ME2: variants seen among roughly 807,000 people sequenced by gnomAD.
The protein encoded by ME2 is malic enzyme 2.
In ME2, 60 loss-of-function variants were observed where a neutral mutation model predicts 73.7. That is an observed-to-expected ratio of 0.81 (90% confidence interval 0.66 to 1.01). ME2 has a LOEUF of 1.01. Among genes scored for constraint, ME2 ranks in the 50% least tolerant of loss-of-function variants. The pLI is 0.00. For missense variants in ME2, 594 were observed against 705.5 expected (o/e 0.84, Z 1.79); for synonymous variants, 199 against 236.9 (o/e 0.84, Z 1.47).
Position 50,895,959 on chromosome 18 carries a change from C to T in ME2, c.108+31C>T, listed in dbSNP as rs757585746. ...TAACATTAATATCAATGTACATTTT[C>T]TCTCTTCTTATTAAAGTTTGATATA... On this transcript the variant is annotated intron_variant, in intron 2 of 15. Coordinates refer to ENST00000321341, the MANE Select transcript of ME2 (RefSeq NM_002396.5). The T allele has an allele frequency of 1.1e-5, 15 of 1,415,130 alleles. No individual in the cohort carries two copies. The Middle Eastern group carries it at 2.1e-3, about 200-fold the overall frequency. 87.7% of individuals were successfully genotyped at this position (1,415,130 alleles called of 1,614,324 possible).
At position 50,952,802 on chromosome 18, in the gene ME2, AG is replaced by A. The variant is rs946550128; in HGVS notation, c.*5619del. The A allele has an allele frequency of 1.3e-5, 2 of 152,224 alleles. No individual in the cohort carries two copies. Among genetic ancestry groups the A allele is most frequent in the African/African-American group, 4.8e-5 (2 of 41,462 alleles). The allele number at this position is 152,224 out of a possible 1,614,324, so 9.4% of individuals were successfully genotyped here. On this transcript the variant is annotated 3_prime_UTR_variant, in exon 16 of 16. Transcript: ENST00000321341. ...TATCACCAACACATTTGGTATATAC[AG>A]TGGGCCGATAATGACAAACTAAAGT...
At chr18:50,890,571 T>C (rs1916584943) in intron 1 of ME2, among the ~76,000 whole-genome samples, 2 of 152,244 alleles carry the variant, frequency 1.3e-5, no homozygotes, top group African/African-American at 4.8e-5. Context: ...TTTATCCATT[T>C]AGTTTTATCT....
At chr18:50,918,477 C>G (rs1471749537) in intron 7 of ME2, among the ~76,000 whole-genome samples, 1 of 152,190 alleles carries the variant, frequency 6.6e-6, no homozygotes, top group African/African-American at 2.4e-5. Context: ...CAAACGCTTA[C>G]TGCTCAGTAC....
In ME2 at chr18:50,889,764, G is replaced by A. The variant is rs146153765; in HGVS notation, c.-12-6045G>A. On this transcript the variant is annotated intron_variant, in intron 1 of 15. Transcript: ENST00000321341. ...TTGGAACACATATTAACCTGTTCATGTTAATGGGATTCTAGGAAATGGTTA... is the reference window on the plus strand; with the variant it reads ...TTGGAACACATATTAACCTGTTCATATTAATGGGATTCTAGGAAATGGTTA... Among the ~76,000 whole-genome samples the A allele has an allele frequency of 2.9e-3, 449 of 152,318 alleles. 4 individuals are homozygous for A. The highest frequency in any genetic ancestry group is 0.013 in the East Asian group (69 of 5,190).
intron 15 of ME2, among the ~76,000 whole-genome samples, chr18:50,943,933 G>A (rs1918023014): frequency 6.6e-6 from 1 of 152,028 alleles, no homozygotes; most frequent in Non-Finnish European, 1.5e-5. Flanking sequence ...AGAGATTACT[G>A]GGCCAGGCAG....
chr18:50,904,353 A>G (rs972464072), intron 2 of ME2, among the ~76,000 whole-genome samples: 2 of 148,838 alleles, frequency 1.3e-5, no homozygotes, highest in South Asian at 2.1e-4. Flanking sequence ...ATCTCGGCTC[A>G]CTGCAACCTC....
At position 50,912,968 on chromosome 18, in the gene ME2, A is replaced by C. The variant is rs766807222; in HGVS notation, c.392+18A>C. 3.8e-6 allele frequency: 6 copies of C among 1,563,838 alleles called. No homozygotes were observed. Among genetic ancestry groups the C allele is most frequent in the Non-Finnish European group, 5.2e-6 (6 of 1,161,332 alleles). On this transcript the variant is annotated intron_variant, in intron 4 of 15. Transcript: ENST00000321341. ...AGACCTAAGTAAGGCTTGTTTAAAA[A>C]AAAGCTTGTAAATGATTATTGAATA...
At chr18:50,924,847 A>G (rs1917509437) in intron 11 of ME2, among the ~76,000 whole-genome samples, 1 of 151,874 alleles carries the variant, frequency 6.6e-6, no homozygotes, top group Admixed American at 6.6e-5. Flanking sequence ...ACGCCCAGCT[A>G]ATTTTTGTAA....
chr18:50,885,680 A>T (rs1249800298), intron 1 of ME2, among the ~76,000 whole-genome samples: 1 of 151,980 alleles, frequency 6.6e-6, no homozygotes, highest in African/African-American at 2.4e-5. Flanking sequence ...ATATATATAT[A>T]TTTTTAACAC....
chr18:50,936,380 C>G lies in ME2; in HGVS notation c.1418-3190C>G, dbSNP rs140751112. Among the ~76,000 whole-genome samples the G allele has an allele frequency of 3.3e-3, 500 of 152,056 alleles. 3 individuals are homozygous for G. Among genetic ancestry groups the G allele is most frequent in the African/African-American group, 0.012 (482 of 41,460 alleles). ...ATATTAAAGGAAAGGAAATTTTGTT[C>G]CTTAGGGAAAAAGAAAATAATCCCA... On this transcript the variant is annotated intron_variant, in intron 13 of 15. Coordinates refer to ENST00000321341, the MANE Select transcript of ME2 (RefSeq NM_002396.5).
In ME2 at chr18:50,950,497, A is replaced by ATTG. The variant is rs1020341344; in HGVS notation, c.*3313_*3314insTTG. On this transcript the variant is annotated 3_prime_UTR_variant, in exon 16 of 16. Coordinates refer to ENST00000321341, the MANE Select transcript of ME2 (RefSeq NM_002396.5). ...TTTTTTTTTTTTTTTTTTTTTTTTA[A>ATTG]ACAGGGTCTCTTTCTTTTTCCTTTC... 9.9e-6 allele frequency: 1 copy of ATTG among 101,522 alleles called. No homozygotes were observed. The highest frequency in any genetic ancestry group is 4.0e-5 in the African/African-American group (1 of 24,694). 6.3% of individuals were successfully genotyped at this position (101,522 alleles called of 1,614,324 possible).
intron 10 of ME2, among the ~76,000 whole-genome samples, chr18:50,922,424 C>A (rs1206185889): frequency 2.6e-5 from 4 of 152,226 alleles, no homozygotes; most frequent in Admixed American, 6.5e-5. Context: ...AATAATTAAA[C>A]TGTGCTGCCT....
At chr18:50,891,244 G>GAGA (rs1208965020) in intron 1 of ME2, among the ~76,000 whole-genome samples, 6 of 152,108 alleles carry the variant, frequency 3.9e-5, no homozygotes, top group Non-Finnish European at 7.3e-5. Context: ...TTCAAATAGA[G>GAGA]AGAATTTAAG....
At chr18:50,902,220 C>A (rs1041070370) in intron 2 of ME2, among the ~76,000 whole-genome samples, 1 of 152,148 alleles carries the variant, frequency 6.6e-6, no homozygotes, top group African/African-American at 2.4e-5. Context: ...AGGACATGCT[C>A]AAGCTTTGTA....
chr18:50,930,933 A>T (rs1917677890), intron 12 of ME2, among the ~76,000 whole-genome samples: 2 of 152,220 alleles, frequency 1.3e-5, no homozygotes, highest in Admixed American at 6.5e-5. Flanking sequence ...CAAGTCTAAG[A>T]TAGTCAGCTC....
chr18:50,939,678 A>G (rs912112620), intron 14 of ME2, 38 bp downstream of exon 14: 18 of 1,363,260 alleles, frequency 1.3e-5, no homozygotes, highest in Non-Finnish European at 1.8e-5. Context: ...ATAAAGGATG[A>G]ATTATAAAGA....
chr18:50,925,937 C>A lies in ME2; in HGVS notation c.1314+39C>A, dbSNP rs1397266. 1.2e-4 allele frequency: 168 copies of A among 1,426,794 alleles called. 1 individual carries two copies. The highest frequency in any genetic ancestry group is 1.6e-4 in the Non-Finnish European group (163 of 1,014,598). 88.4% of individuals were successfully genotyped at this position (1,426,794 alleles called of 1,614,324 possible). A position where few individuals can be genotyped will look rare whatever the true frequency, so the allele number is the denominator to read the frequency against. ...CATGAATTGATATGTATATTATTTT[C>A]CCTCCACTAGCTTATTAGTTATACA... is the stretch of plus-strand genomic sequence containing the variant. On this transcript the variant is annotated intron_variant, in intron 12 of 15. Coordinates refer to ENST00000321341, the MANE Select transcript of ME2 (RefSeq NM_002396.5).
intron 1 of ME2, among the ~76,000 whole-genome samples, chr18:50,886,167 T>TA (rs137914150): frequency 6.7e-6 from 1 of 148,946 alleles, no homozygotes; most frequent in African/African-American, 2.5e-5. Context: ...ATTTAAAATT[T>TA]AAAAAAAAAG....
At chr18:50,912,477 T>A (rs1917179433) in intron 3 of ME2, among the ~76,000 whole-genome samples, 1 of 152,198 alleles carries the variant, frequency 6.6e-6, no homozygotes, top group Non-Finnish European at 1.5e-5. Flanking sequence ...GAAGACTGAT[T>A]CTTTAAGCGT....
Sources: gnomAD v4.1 joint callset for allele counts (sites outside exome capture counted in the v4.1 genomes callset) on GRCh38, gnomAD v4.1.1 for gene constraint, MANE v1.5 for transcripts, NCBI Gene and HGNC (gene_info 2026-07-23, HGNC 2026-07-21) for gene names.